Variants in SLC6A6 observed in about 807,000 individuals in gnomAD.
SLC6A6 encodes solute carrier family 6 member 6.
SLC6A6 carries 16 observed loss-of-function variants against 68.8 expected under a neutral mutation model. That is an observed-to-expected ratio of 0.23 (90% CI 0.16 to 0.35). The LOEUF is 0.35. Among genes scored for constraint, SLC6A6 ranks in the 10% least tolerant of loss-of-function variants. The pLI, the probability that SLC6A6 is intolerant of heterozygous loss-of-function variation, is 1.00. For synonymous variants in SLC6A6, 312 were observed against 315.4 expected (o/e 0.99, Z 0.12); for missense variants, 474 against 802.8 (o/e 0.59, Z 4.95).
chr3:14,431,167 A>G (rs769168926), intron 2 of SLC6A6, among the ~76,000 whole-genome samples: 2 of 152,206 alleles, frequency 1.3e-5, no homozygotes, highest in Non-Finnish European at 2.9e-5. Context: ...AACTGTGCTC[A>G]GATGTTGGGA....
At chr3:14,451,197 G>A (rs1700243946) in intron 5 of SLC6A6, among the ~76,000 whole-genome samples, 1 of 152,226 alleles carries the variant, frequency 6.6e-6, no homozygotes, top group Non-Finnish European at 1.5e-5. Context: ...CTGGCAGAAA[G>A]GATTGAGACT....
At position 14,414,570 on chromosome 3, in the gene SLC6A6, G is replaced by A. The variant is rs531128846; in HGVS notation, c.-53-1842G>A. 6.3e-4 allele frequency among the ~76,000 whole-genome samples: 96 copies of A among 151,812 alleles called. 1 individual carries two copies. In the Middle Eastern group the frequency reaches 0.017, roughly 27 times the overall value. On this transcript the variant is annotated intron_variant, in intron 1 of 14. Transcript: ENST00000622186. Reference sequence around the variant, plus strand: ...AGACAGGGTCTCACTCTGTCACCCTGGCTGGACTGCAGTGGTACGATCACT... The same window carrying A: ...AGACAGGGTCTCACTCTGTCACCCTAGCTGGACTGCAGTGGTACGATCACT...
At chr3:14,424,327 CT>C (rs1699543218) in intron 2 of SLC6A6, among the ~76,000 whole-genome samples, 1 of 151,354 alleles carries the variant, frequency 6.6e-6, no homozygotes, top group African/African-American at 2.4e-5. Context: ...TGGGGAGGGC[CT>C]CTTGAAGGTG....
chr3:14,410,657 T>C (rs1262644379), intron 1 of SLC6A6, among the ~76,000 whole-genome samples: 4 of 152,206 alleles, frequency 2.6e-5, no homozygotes, highest in Admixed American at 2.6e-4. Flanking sequence ...AGGGTTCTGC[T>C]CACATCGGGT....
At chr3:14,416,678 G>A (rs1699369476) in intron 2 of SLC6A6, among the ~76,000 whole-genome samples, 1 of 152,242 alleles carries the variant, frequency 6.6e-6, no homozygotes, top group African/African-American at 2.4e-5. Flanking sequence ...GTGCCAGAGG[G>A]CACAGGGACG....
intron 1 of SLC6A6, among the ~76,000 whole-genome samples, chr3:14,410,054 T>G (rs1699209819): frequency 6.6e-6 from 1 of 151,530 alleles, no homozygotes; most frequent in East Asian, 2.0e-4. Context: ...GGTGCAGTGG[T>G]GGGCACCTGT....
At chr3:14,408,672 C>T (rs1183178011) in intron 1 of SLC6A6, among the ~76,000 whole-genome samples, 1 of 152,198 alleles carries the variant, frequency 6.6e-6, no homozygotes, top group Non-Finnish European at 1.5e-5. Flanking sequence ...TAAACTTTAT[C>T]CAGGTGTGCA....
At chr3:14,458,597 C>T (rs1338821412) in intron 6 of SLC6A6, among the ~76,000 whole-genome samples, 3 of 152,216 alleles carry the variant, frequency 2.0e-5, no homozygotes, top group Non-Finnish European at 4.4e-5. Context: ...CTGCCCCAAA[C>T]CTACAAACTC....
At chr3:14,459,168 C>G (rs766868625) in intron 6 of SLC6A6, among the ~76,000 whole-genome samples, 3 of 152,282 alleles carry the variant, frequency 2.0e-5, no homozygotes, top group Non-Finnish European at 2.9e-5. Context: ...AACGCTTTCC[C>G]CAGTGACTCA....
chr3:14,467,703 A>G (rs41284013), intron 7 of SLC6A6, 150 bp from the exon 8 acceptor site: 130,885 of 600,982 alleles, frequency 0.22, 16,073 homozygotes, highest in African/African-American at 0.37. Flanking sequence ...CTTGAAAGGC[A>G]CCTTGGATTC....
intron 2 of SLC6A6, among the ~76,000 whole-genome samples, chr3:14,430,128 G>A (rs756729789): frequency 6.6e-6 from 1 of 152,144 alleles, no homozygotes; most frequent in Non-Finnish European, 1.5e-5. Context: ...GTCATGCTGG[G>A]CAAAAGGAGA....
At chr3:14,483,774 T>G (rs993704032) in intron 14 of SLC6A6, among the ~76,000 whole-genome samples, 1 of 152,170 alleles carries the variant, frequency 6.6e-6, no homozygotes, top group African/African-American at 2.4e-5. Flanking sequence ...CTCAAATTCC[T>G]GGGCTCAAGC....
chr3:14,410,253 T>C (rs11710184), intron 1 of SLC6A6, among the ~76,000 whole-genome samples: 19,889 of 151,024 alleles, frequency 0.13, 1,707 homozygotes, highest in Non-Finnish European at 0.19. Context: ...GCACCCATCA[T>C]TCATTGCTTG....
intron 2 of SLC6A6, among the ~76,000 whole-genome samples, chr3:14,440,130 C>A (rs953715399): frequency 6.6e-6 from 1 of 152,016 alleles, no homozygotes; most frequent in East Asian, 1.9e-4. Context: ...CTCCTGTGCA[C>A]CCCCCCTCAT....
chr3:14,406,260 G>C (rs899858408), intron 1 of SLC6A6, among the ~76,000 whole-genome samples: 1 of 152,100 alleles, frequency 6.6e-6, no homozygotes, highest in African/African-American at 2.4e-5. Context: ...CAATCTTCTC[G>C]CCTCAGCCTC....
intron 2 of SLC6A6, 79 bp from the exon 3 acceptor site, chr3:14,443,545 T>G: frequency 9.7e-7 from 1 of 1,035,426 alleles, no homozygotes; most frequent in Non-Finnish European, 1.5e-6. Flanking sequence ...GGCTCGTGGA[T>G]GAGGAAGCAG....
At chr3:14,457,083 A>T (rs1177877359) in intron 5 of SLC6A6, among the ~76,000 whole-genome samples, 1 of 152,196 alleles carries the variant, frequency 6.6e-6, no homozygotes, top group Non-Finnish European at 1.5e-5. Context: ...GCTGTCATCC[A>T]TAAGAATGTC....
intron 12 of SLC6A6, 124 bp from the exon 13 acceptor site, chr3:14,478,961 T>G (rs879487411): frequency 4.5e-6 from 3 of 669,424 alleles, no homozygotes; most frequent in Non-Finnish European, 8.2e-6. Context: ...TTTGCCACAC[T>G]TGTATATCCA....
chr3:14,447,616 C>T lies in SLC6A6; in HGVS notation c.399C>T (p.Leu133=). Residue 133 remains leucine, a synonymous_variant, in exon 5 of 15, where the codon CTC becomes CTT. Coordinates refer to ENST00000622186, the MANE Select transcript of SLC6A6 (RefSeq NM_003043.6). ...ATGCCTCCGTTGTAATTGTGTCCCT[C>T]CTGAATGTCTACTACATCGTCATCC... ...IGYASVVIVS[L]LNVYYIVILA... is the part of the protein sequence containing the mutation. The T allele has an allele frequency of 1.2e-6, 2 of 1,614,226 alleles. No homozygotes were observed. Among genetic ancestry groups the T allele is most frequent in the South Asian group, 1.1e-5 (1 of 91,090 alleles).
Sources: gnomAD v4.1 joint callset for allele counts (sites outside exome capture counted in the v4.1 genomes callset) on GRCh38, gnomAD v4.1.1 for gene constraint, MANE v1.5 for transcripts, NCBI Gene and HGNC (gene_info 2026-07-23, HGNC 2026-07-21) for gene names.